Variants in DMXL2 observed in about 807,000 individuals in gnomAD.
The protein encoded by DMXL2 is dmX-like protein 2.
In DMXL2, 103 loss-of-function variants were observed where a neutral mutation model predicts 331.1. The observed-to-expected ratio is 0.31, with a 90% CI of 0.27 to 0.37. The LOEUF (loss-of-function observed/expected upper bound fraction) is 0.37. Ranked by LOEUF, DMXL2 falls within the 10% of genes least tolerant of loss-of-function variation. The probability of loss-of-function intolerance (pLI) is 1.00; values close to 1 mark genes in which losing one functional copy is unlikely to be tolerated. For missense variants in DMXL2, 3,171 were observed against 3,642.9 expected (o/e 0.87, Z 3.33); for synonymous variants, 1,281 against 1,252.1 (o/e 1.02, Z -0.49).
At chr15:51,606,624 C>T (rs922426902) in intron 1 of DMXL2, among the ~76,000 whole-genome samples, 1 of 152,164 alleles carries the variant, frequency 6.6e-6, no homozygotes, top group East Asian at 1.9e-4. Flanking sequence ...AATTAAAATT[C>T]CCTTTTGGGT....
At position 51,504,130 on chromosome 15, in the gene DMXL2, T is replaced by C. The variant is rs143037192; in HGVS notation, c.2765-1097A>G. On this transcript the variant is annotated intron_variant, in intron 16 of 43. Coordinates refer to ENST00000560891, the MANE Select transcript of DMXL2 (RefSeq NM_001378457.1). ...ACCACAGAGACACTGATTTAGATGA[T>C]ATGGGGTAGATCCCAGTAAAGCAGC... is the stretch of plus-strand genomic sequence containing the variant. 9.5e-3 allele frequency among the ~76,000 whole-genome samples: 1,453 copies of C among 152,242 alleles called. 20 individuals are homozygous for C. The highest frequency in any genetic ancestry group is 0.034 in the African/African-American group (1,397 of 41,542).
intron 2 of DMXL2, among the ~76,000 whole-genome samples, chr15:51,569,054 C>T (rs928067923): frequency 2.6e-5 from 4 of 152,152 alleles, no homozygotes; most frequent in African/African-American, 7.2e-5. Context: ...GAGACGGTAC[C>T]GGGAAGAACA....
intron 1 of DMXL2, among the ~76,000 whole-genome samples, chr15:51,582,003 C>T (rs1018674475): frequency 3.9e-5 from 6 of 152,052 alleles, no homozygotes; most frequent in African/African-American, 7.2e-5. Context: ...AAACTCCCAC[C>T]GCTCCCTGGG....
chr15:51,580,944 T>G (rs2051368493), intron 1 of DMXL2, among the ~76,000 whole-genome samples: 1 of 151,668 alleles, frequency 6.6e-6, no homozygotes. Context: ...TAGACATAAG[T>G]CATAGATGGC....
At chr15:51,592,024 G>C (rs1050779875) in intron 1 of DMXL2, among the ~76,000 whole-genome samples, 15 of 152,220 alleles carry the variant, frequency 9.9e-5, no homozygotes, top group African/African-American at 3.6e-4. Context: ...CTCCTCCAAA[G>C]GAAAGCAGCT....
intron 27 of DMXL2, 36 bp downstream of exon 27, chr15:51,476,553 A>G: frequency 6.3e-7 from 1 of 1,588,972 alleles, no homozygotes; most frequent in Non-Finnish European, 8.5e-7. Context: ...ATTGCCAACT[A>G]GAAGATTTTT....
chr15:51,617,630 C>A (rs911287790), intron 1 of DMXL2, among the ~76,000 whole-genome samples: 1 of 152,152 alleles, frequency 6.6e-6, no homozygotes, highest in Non-Finnish European at 1.5e-5. Context: ...TGTTTCTAGT[C>A]CATTTTCTCT....
rs746059395 is a variant in DMXL2 at position 51,449,119 on chromosome 15, G to A, written c.9042C>T (p.Asn3014=). 16 of 1,614,016 alleles carry A rather than the reference G, an allele frequency of 9.9e-6. No homozygotes were observed. The highest frequency in any genetic ancestry group is 1.4e-5 in the Non-Finnish European group (16 of 1,180,016). The part of the protein sequence containing the change: ...SEHAKQSIFR[N]IGAGVMQIDI... ...CAATCTGCATGACTCCAGCCCCAAT[G>A]TTTCGAAATATGGACTGCTTAGCAT... The change falls in exon 44 of 44, where the codon AAC becomes AAT. Residue 3014 remains asparagine (N), a synonymous_variant. Transcript: ENST00000560891.
rs367891366 is a variant in DMXL2 at position 51,471,256 on chromosome 15, G to T, written c.7359C>A (p.Pro2453=). 3 of 1,613,734 alleles carry T rather than the reference G, an allele frequency of 1.9e-6. No homozygotes were observed. Among genetic ancestry groups the T allele is most frequent in the African/African-American group, 1.3e-5 (1 of 74,866 alleles). Residue 2453 remains proline (P), a synonymous_variant, in exon 29 of 44, where the codon CCC becomes CCA. Transcript: ENST00000560891. ...RPSYKEKFIP[P]ELSMWDYFVA... Reference sequence around the variant, plus strand: ...CAAAATAATCCCACATACTAAGTTCGGGAGGAATAAATTTTTCTTTGTAAG... The same window carrying T: ...CAAAATAATCCCACATACTAAGTTCTGGAGGAATAAATTTTTCTTTGTAAG...
intron 14 of DMXL2, among the ~76,000 whole-genome samples, chr15:51,516,155 T>C (rs2047025549): frequency 6.6e-6 from 1 of 152,212 alleles, no homozygotes; most frequent in Admixed American, 6.5e-5. Context: ...TGTTTAAAAC[T>C]ATTGGTAGCT....
intron 19 of DMXL2, among the ~76,000 whole-genome samples, chr15:51,493,031 T>TA (rs2140446215): frequency 6.6e-6 from 1 of 152,178 alleles, no homozygotes; most frequent in East Asian, 1.9e-4. Flanking sequence ...CCAACACTCA[T>TA]ATAACAACTG....
At chr15:51,554,643 A>G (rs1229227183) in intron 6 of DMXL2, among the ~76,000 whole-genome samples, 1 of 152,150 alleles carries the variant, frequency 6.6e-6, no homozygotes, top group Non-Finnish European at 1.5e-5. Flanking sequence ...TCAGTGTTTT[A>G]TTTTTAAAAT....
rs1262948404 is a variant in DMXL2 at position 51,535,614 on chromosome 15, G to C, written c.2436+49C>G. ...ACAGGTCCTAGACAAAGTCAAAAGA[G>C]AATTCTTTATCTCCTTAGATAAATT... is the stretch of plus-strand genomic sequence containing the variant. On this transcript the variant is annotated intron_variant, in intron 13 of 43. Transcript: ENST00000560891. The C allele has an allele frequency of 3.3e-6, 5 of 1,510,934 alleles. No individual in the cohort carries two copies. The African/African-American group carries it at 5.7e-5, about 17-fold the overall frequency. 93.6% of individuals were successfully genotyped at this position (1,510,934 alleles called of 1,614,324 possible).
Position 51,481,306 on chromosome 15 carries a change from C to A in DMXL2, c.5800G>T (p.Val1934Leu). Residue 1934 changes from valine to leucine, a missense_variant, in exon 24 of 44, where the codon GTA (valine) becomes TTA (leucine). Physicochemically the swap from Val to Leu is conservative, Grantham distance 32. Transcript: ENST00000560891. ...PDFISHRMDD[V>L]PSHSKALSDG... ...CTCAGAGCTTTTGAATGTGAAGGTA[C>A]ATCATCCATCCTGTGAGAAATGAAG... 6.2e-7 allele frequency: 1 copy of A among 1,614,118 alleles called. No homozygotes were observed. Among genetic ancestry groups the A allele is most frequent in the Non-Finnish European group, 8.5e-7 (1 of 1,179,996 alleles).
In DMXL2 at chr15:51,568,539, T is replaced by C; in HGVS notation, c.233A>G (p.Asn78Ser). 2.5e-6 allele frequency: 4 copies of C among 1,580,694 alleles called. No individual in the cohort carries two copies. The highest frequency in any genetic ancestry group is 8.5e-7 in the Non-Finnish European group (1 of 1,170,148). Residue 78 changes from asparagine (N) to serine (S), a missense_variant, in exon 3 of 44, where the codon AAT (asparagine) becomes AGT (serine). By Grantham distance (46) the Asn-to-Ser change is conservative. Transcript: ENST00000560891. ...CAAGGGCTCAAATATACAAACAGCA[T>C]TACCATATGAAGCTGCAATCTAAAA... ...QQGRIAASYG[N>S]AVCIFEPLGI...
In DMXL2 at chr15:51,563,551, G is replaced by T. The variant is rs369741542; in HGVS notation, c.501-104C>A. ...TGTAACATCAAAGTCAGAATCCTCA[G>T]AATAAGACTGTTTTTGCTTCCCTAA... On this transcript the variant is annotated intron_variant, in intron 5 of 43. Transcript: ENST00000560891. 11 of 651,474 alleles carry T rather than the reference G, an allele frequency of 1.7e-5. No individual in the cohort carries two copies. In the East Asian group the frequency reaches 2.6e-4, roughly 15 times the overall value. 40.4% of individuals were successfully genotyped at this position (651,474 alleles called of 1,614,324 possible). A position where few individuals can be genotyped will look rare whatever the true frequency, so the allele number is the denominator to read the frequency against.
intron 1 of DMXL2, among the ~76,000 whole-genome samples, chr15:51,578,112 A>G (rs900846054): frequency 6.6e-6 from 1 of 152,210 alleles, no homozygotes; most frequent in Non-Finnish European, 1.5e-5. Flanking sequence ...GAAGTACTCA[A>G]CAAGTGTTGG....
chr15:51,603,348 A>G (rs2053359429), intron 1 of DMXL2, among the ~76,000 whole-genome samples: 1 of 152,172 alleles, frequency 6.6e-6, no homozygotes, highest in African/African-American at 2.4e-5. Context: ...ATAAAAATGA[A>G]ACAGATGAAA....
chr15:51,588,245 C>T (rs1486175349), intron 1 of DMXL2, among the ~76,000 whole-genome samples: 1 of 151,824 alleles, frequency 6.6e-6, no homozygotes, highest in Non-Finnish European at 1.5e-5. Flanking sequence ...TCAACTGCCA[C>T]CTCCCAGACT....
Sources: allele counts gnomAD v4.1 joint callset (sites outside exome capture counted in the v4.1 genomes callset), GRCh38; gene constraint gnomAD v4.1.1; transcripts MANE v1.5; gene names NCBI Gene and HGNC (gene_info 2026-07-23, HGNC 2026-07-21).